Variants in HS3ST5 observed in about 807,000 individuals in gnomAD.
HS3ST5 encodes the protein heparan sulfate glucosamine 3-O-sulfotransferase 5.
A neutral mutation model predicts 25.4 loss-of-function variants in HS3ST5; 10 were observed. The ratio of observed to expected loss-of-function variants is 0.39; its 90% CI spans 0.24 to 0.67. The LOEUF (loss-of-function observed/expected upper bound fraction) is 0.67, where lower values mean the gene tolerates loss of function less well. HS3ST5 is among the 30% of genes least tolerant of loss of function. The pLI is 0.44. For synonymous variants in HS3ST5, 170 were observed against 162.4 expected (o/e 1.05, Z -0.36); for missense variants, 324 against 420.7 (o/e 0.77, Z 2.01).
In HS3ST5 at chr6:114,056,621, T is replaced by A. The variant is rs1002353671; in HGVS notation, c.*636A>T. Reference sequence around the variant, plus strand: ...TACATGACATTTCTCTCTGTTGACATACAACATGGAAGTAAAAGGACTTGA... The same window carrying A: ...TACATGACATTTCTCTCTGTTGACAAACAACATGGAAGTAAAAGGACTTGA... On this transcript the variant is annotated 3_prime_UTR_variant, in exon 5 of 5. Transcript: ENST00000312719. 9 of 152,254 alleles carry A rather than the reference T, an allele frequency of 5.9e-5. No individual in the cohort carries two copies. Among genetic ancestry groups the A allele is most frequent in the Non-Finnish European group, 1.0e-4 (7 of 68,076 alleles). 9.4% of individuals were successfully genotyped at this position (152,254 alleles called of 1,614,324 possible).
intron 1 of HS3ST5, among the ~76,000 whole-genome samples, chr6:114,300,605 C>T (rs1013088864): frequency 6.6e-6 from 1 of 152,110 alleles, no homozygotes; most frequent in African/African-American, 2.4e-5. Context: ...AATTCCTCAA[C>T]ACACAAAACA....
In HS3ST5 at chr6:114,058,094, C is replaced by T. The variant is rs1192675991; in HGVS notation, c.204G>A (p.Leu68=). The T allele has an allele frequency of 1.2e-6, 2 of 1,614,158 alleles. No homozygotes were observed. The highest frequency in any genetic ancestry group is 3.3e-5 in the Admixed American group (2 of 60,030). The change falls in exon 5 of 5, where the codon CTG becomes CTA. Residue 68 remains leucine (L), a synonymous_variant. Transcript: ENST00000312719. ...AAGCGTTGCCCTTCCGGAACTCGTG[C>T]AGCAGGCCACGCTTAAACTGCAGGG... is the stretch of plus-strand genomic sequence containing the variant. ...LRALQFKRGL[L]HEFRKGNASK...
chr6:114,308,313 C>T (rs1015661299), intron 1 of HS3ST5, among the ~76,000 whole-genome samples: 2 of 152,136 alleles, frequency 1.3e-5, no homozygotes, highest in Admixed American at 6.5e-5. Flanking sequence ...TGGCAGGGCG[C>T]GGTGGCTCAT....
At chr6:114,270,829 G>C (rs993785260) in intron 1 of HS3ST5, among the ~76,000 whole-genome samples, 4 of 151,820 alleles carry the variant, frequency 2.6e-5, no homozygotes, top group African/African-American at 9.7e-5. Flanking sequence ...AAAAGGGTTG[G>C]GATTAGCCAT....
chr6:114,265,070 A>C (rs1049050362), intron 1 of HS3ST5, among the ~76,000 whole-genome samples: 1 of 152,000 alleles, frequency 6.6e-6, no homozygotes, highest in Non-Finnish European at 1.5e-5. Flanking sequence ...TTTTTGGTAG[A>C]GATGGGGTCT....
intron 3 of HS3ST5, among the ~76,000 whole-genome samples, chr6:114,166,581 A>G (rs982770254): frequency 1.3e-5 from 2 of 152,168 alleles, no homozygotes; most frequent in Admixed American, 6.5e-5. Flanking sequence ...TTTATAGATA[A>G]TGATACTGTA....
chr6:114,272,426 C>G (rs1289886525), intron 1 of HS3ST5, among the ~76,000 whole-genome samples: 1 of 152,106 alleles, frequency 6.6e-6, no homozygotes, highest in East Asian at 1.9e-4. Flanking sequence ...TCTAAGGAAT[C>G]TTGACACACA....
At chr6:114,197,374 A>G (rs1780813882) in intron 2 of HS3ST5, among the ~76,000 whole-genome samples, 1 of 152,096 alleles carries the variant, frequency 6.6e-6, no homozygotes, top group African/African-American at 2.4e-5. Context: ...ACAATAATTC[A>G]TTGTAGTCTA....
chr6:114,300,928 T>A (rs973700644), intron 1 of HS3ST5, among the ~76,000 whole-genome samples: 2 of 152,292 alleles, frequency 1.3e-5, no homozygotes, highest in Admixed American at 1.3e-4. Flanking sequence ...CTTAGATTTG[T>A]ATAAAATGCT....
At chr6:114,060,291 C>T (rs1032059857) in intron 4 of HS3ST5, among the ~76,000 whole-genome samples, 12 of 151,834 alleles carry the variant, frequency 7.9e-5, no homozygotes, top group Admixed American at 2.0e-4. Context: ...GGATTACAGG[C>T]GTGAGCTACT....
chr6:114,149,131 T>C (rs1442534635), intron 3 of HS3ST5, among the ~76,000 whole-genome samples: 1 of 152,168 alleles, frequency 6.6e-6, no homozygotes, highest in Non-Finnish European at 1.5e-5. Context: ...ACACTGTTGG[T>C]GGGAGTGTAA....
intron 3 of HS3ST5, among the ~76,000 whole-genome samples, chr6:114,104,848 C>T (rs918917425): frequency 8.5e-5 from 13 of 152,212 alleles, no homozygotes; most frequent in Admixed American, 2.6e-4. Flanking sequence ...ACACCCAAAC[C>T]TCAATTTTTA....
intron 4 of HS3ST5, among the ~76,000 whole-genome samples, chr6:114,061,162 T>C (rs1008837776): frequency 3.9e-5 from 6 of 152,140 alleles, no homozygotes; most frequent in Non-Finnish European, 8.8e-5. Flanking sequence ...AACTAAATAA[T>C]AATGCATTAG....
At chr6:114,307,658 A>G (rs913606071) in intron 1 of HS3ST5, among the ~76,000 whole-genome samples, 3 of 152,126 alleles carry the variant, frequency 2.0e-5, no homozygotes, top group African/African-American at 7.2e-5. Flanking sequence ...AAGAATTTGC[A>G]TTTAAATTTA....
rs146128605 is a variant in HS3ST5, at chr6:114,299,774, T to G, written c.-339+42421A>C. On this transcript the variant is annotated intron_variant, in intron 1 of 4. Coordinates refer to ENST00000312719, the MANE Select transcript of HS3ST5 (RefSeq NM_153612.4). ...TATTCTTTGTGAGCATTCAAAGTGT[T>G]GGGCATTAATTAAAATACATAAAAA... is the stretch of plus-strand genomic sequence containing the variant. Among the ~76,000 whole-genome samples, 467 of 152,294 alleles carry G rather than the reference T, an allele frequency of 3.1e-3. 1 individual carries two copies. The highest frequency in any genetic ancestry group is 0.011 in the African/African-American group (446 of 41,560).
chr6:114,318,243 CAGA>C (rs1179241077), intron 1 of HS3ST5, among the ~76,000 whole-genome samples: 1 of 152,172 alleles, frequency 6.6e-6, no homozygotes, highest in African/African-American at 2.4e-5. Flanking sequence ...CTGCACCAGC[CAGA>C]AGCATAGGAC....
intron 3 of HS3ST5, among the ~76,000 whole-genome samples, chr6:114,092,413 T>C (rs899065154): frequency 6.6e-6 from 1 of 152,104 alleles, no homozygotes; most frequent in Admixed American, 6.5e-5. Flanking sequence ...TTTAATATCA[T>C]TGAAGAAATT....
chr6:114,288,822 A>C (rs1446509567), intron 1 of HS3ST5, among the ~76,000 whole-genome samples: 1 of 152,226 alleles, frequency 6.6e-6, no homozygotes, highest in East Asian at 1.9e-4. Flanking sequence ...AATTCAGTCC[A>C]ATAGTTATGA....
intron 3 of HS3ST5, among the ~76,000 whole-genome samples, chr6:114,105,056 T>G (rs1427411457): frequency 1.3e-5 from 2 of 152,190 alleles, no homozygotes; most frequent in African/African-American, 4.8e-5. Flanking sequence ...CTCTCATAGC[T>G]GTCAATAGAA....
Sources: allele counts gnomAD v4.1 joint callset (sites outside exome capture counted in the v4.1 genomes callset), GRCh38; gene constraint gnomAD v4.1.1; transcripts MANE v1.5; gene names NCBI Gene and HGNC (gene_info 2026-07-23, HGNC 2026-07-21).